PSD3: variants seen among roughly 807,000 people sequenced by gnomAD.
PSD3 encodes pleckstrin and Sec7 domain containing 3.
A neutral mutation model predicts 105.5 loss-of-function variants in PSD3; 49 were observed. That is an observed-to-expected ratio of 0.46 (90% CI 0.37 to 0.59). The LOEUF (loss-of-function observed/expected upper bound fraction) is 0.59. Ranked by LOEUF, PSD3 falls within the 20% of genes least tolerant of loss-of-function variation. PSD3 has a pLI of 0.00. For missense variants in PSD3, 1,561 were observed against 1,263.8 expected (o/e 1.24, Z -3.57); for synonymous variants, 557 against 457.8 (o/e 1.22, Z -2.77).
At chr8:18,878,955 G>C (rs940255681) in intron 2 of PSD3, among the ~76,000 whole-genome samples, 6 of 151,262 alleles carry the variant, frequency 4.0e-5, no homozygotes, top group Non-Finnish European at 5.9e-5. Flanking sequence ...TTCAACAAAG[G>C]GAAGAAAAGT....
At chr8:18,900,954 A>T (rs1819464861) in intron 2 of PSD3, among the ~76,000 whole-genome samples, 1 of 152,218 alleles carries the variant, frequency 6.6e-6, no homozygotes. Context: ...TACAGTATGT[A>T]CTACAGTTAA....
chr8:18,763,683 C>G (rs1806733107), intron 9 of PSD3, among the ~76,000 whole-genome samples: 1 of 152,090 alleles, frequency 6.6e-6, no homozygotes, highest in Non-Finnish European at 1.5e-5. Flanking sequence ...GAACAGCACA[C>G]AGAATAGAGG....
At chr8:18,564,638 A>G (rs1410338620) in intron 14 of PSD3, among the ~76,000 whole-genome samples, 1 of 151,822 alleles carries the variant, frequency 6.6e-6, no homozygotes, top group Admixed American at 6.6e-5. Flanking sequence ...CAAAAAAAAA[A>G]AAAAAAGATA....
In PSD3 at chr8:18,531,567, T is replaced by G. The variant is rs1317233047; in HGVS notation, c.*4176A>C. 1 of 152,290 alleles carries G rather than the reference T, an allele frequency of 6.6e-6. No individual in the cohort carries two copies. Among genetic ancestry groups the G allele is most frequent in the Non-Finnish European group, 1.5e-5 (1 of 68,086 alleles). 9.4% of individuals were successfully genotyped at this position (152,290 alleles called of 1,614,324 possible). A position where few individuals can be genotyped will look rare whatever the true frequency, so the allele number is the denominator to read the frequency against. On this transcript the variant is annotated 3_prime_UTR_variant, in exon 16 of 16. Coordinates refer to ENST00000327040, the MANE Select transcript of PSD3 (RefSeq NM_015310.4). ...ACTGGTGGAAAGAAATTTGCTGACA[T>G]GTGGCAGAGCAGTGGCATGGCCTGG...
chr8:18,829,441 C>T (rs545995080), intron 4 of PSD3, among the ~76,000 whole-genome samples: 2 of 152,224 alleles, frequency 1.3e-5, no homozygotes, highest in African/African-American at 4.8e-5. Flanking sequence ...ATGTCATTCC[C>T]TTTATCTAAA....
intron 1 of PSD3, among the ~76,000 whole-genome samples, chr8:18,938,549 G>A (rs1822307367): frequency 6.6e-6 from 1 of 151,752 alleles, no homozygotes; most frequent in African/African-American, 2.4e-5. Context: ...CTTGAACCTG[G>A]GACGTGGAGG....
At chr8:18,912,057 GA>G (rs1031156019) in intron 2 of PSD3, among the ~76,000 whole-genome samples, 17 of 151,980 alleles carry the variant, frequency 1.1e-4, no homozygotes, top group African/African-American at 1.9e-4. Context: ...TATACATGAG[GA>G]AAAAAATCAA....
At chr8:18,684,097 T>G (rs1800526582) in intron 9 of PSD3, 1 of 571,402 alleles carries the variant, frequency 1.8e-6, no homozygotes, top group Admixed American at 3.0e-5. Flanking sequence ...CCCCAGCATC[T>G]TCAACTACCC....
At chr8:18,938,613 A>C (rs1249607220) in intron 1 of PSD3, among the ~76,000 whole-genome samples, 5 of 146,402 alleles carry the variant, frequency 3.4e-5, no homozygotes, top group African/African-American at 1.0e-4. Context: ...ACAAAAGCGA[A>C]AATCCGTCTC....
chr8:18,944,533 T>C (rs911759220), intron 1 of PSD3, among the ~76,000 whole-genome samples: 2 of 151,864 alleles, frequency 1.3e-5, no homozygotes, highest in Non-Finnish European at 1.5e-5. Context: ...ATTGAGCCAC[T>C]GCACTCCAGC....
chr8:18,995,731 A>G (rs963265279), intron 1 of PSD3, among the ~76,000 whole-genome samples: 3 of 152,030 alleles, frequency 2.0e-5, no homozygotes, highest in Admixed American at 2.0e-4. Flanking sequence ...CACATCTTAC[A>G]TAGTGGCAGG....
chr8:18,820,791 T>C (rs1324552742), intron 4 of PSD3, among the ~76,000 whole-genome samples: 3 of 152,220 alleles, frequency 2.0e-5, no homozygotes, highest in Admixed American at 2.0e-4. Context: ...TGAGACAGCA[T>C]CCTGCTCTAT....
chr8:18,678,185 T>C (rs1450374661), intron 9 of PSD3, among the ~76,000 whole-genome samples: 1 of 152,154 alleles, frequency 6.6e-6, no homozygotes, highest in Non-Finnish European at 1.5e-5. Context: ...ATTTACTTTG[T>C]TCAACACACC....
rs34392783 is a variant in PSD3, at chr8:18,910,637, T to TA, written c.130+25396dup. On this transcript the variant is annotated intron_variant, in intron 2 of 15. Transcript: ENST00000327040. ...ATGTACCCTAAAACTTAGAGTATAA[T>TA]AAAAAAAAAAAAAAAAAAAAAAGAA... 6.8e-3 allele frequency among the ~76,000 whole-genome samples: 659 copies of TA among 97,118 alleles called. 6 individuals are homozygous for TA. The highest frequency in any genetic ancestry group is 0.018 in the South Asian group (50 of 2,856). The allele number at this position is 97,118 out of a possible 152,430, so 63.7% of individuals were successfully genotyped here.
At chr8:18,816,809 G>A (rs1423736608) in intron 4 of PSD3, among the ~76,000 whole-genome samples, 1 of 152,124 alleles carries the variant, frequency 6.6e-6, no homozygotes, top group East Asian at 1.9e-4. Flanking sequence ...GTCTAATAAA[G>A]CATCAACAGA....
chr8:18,661,534 C>T (rs1342747039), intron 9 of PSD3, among the ~76,000 whole-genome samples: 1 of 152,194 alleles, frequency 6.6e-6, no homozygotes, highest in African/African-American at 2.4e-5. Context: ...ACTATCGTCT[C>T]TATGCCTTAA....
chr8:18,675,081 G>A lies in PSD3; in HGVS notation c.2173-19396C>T, dbSNP rs114969624. Among the ~76,000 whole-genome samples the A allele has an allele frequency of 9.7e-3, 1,482 of 152,228 alleles. 25 individuals are homozygous for A. Among genetic ancestry groups the A allele is most frequent in the African/African-American group, 0.034 (1,431 of 41,554 alleles). The stretch of plus-strand genomic sequence containing the variant: ...GCTGGACCTTTATCTGTCCCTCGGA[G>A]TGACAGTCAAGAGCTGCTTCTCTCA... On this transcript the variant is annotated intron_variant, in intron 9 of 15. Coordinates refer to ENST00000327040, the MANE Select transcript of PSD3 (RefSeq NM_015310.4).
At chr8:18,723,692 T>G (rs1803153672) in intron 9 of PSD3, among the ~76,000 whole-genome samples, 1 of 152,232 alleles carries the variant, frequency 6.6e-6, no homozygotes, top group Admixed American at 6.5e-5. Flanking sequence ...TACAGATTAA[T>G]GACACTGGTA....
intron 14 of PSD3, 21 bp downstream of exon 14, chr8:18,572,507 A>G (rs1266250288): frequency 1.9e-6 from 3 of 1,609,242 alleles, no homozygotes; most frequent in East Asian, 2.2e-5. Flanking sequence ...CCCAAGGTCA[A>G]AGCACTATCA....
Sources: gnomAD v4.1 joint callset for allele counts (sites outside exome capture counted in the v4.1 genomes callset) on GRCh38, gnomAD v4.1.1 for gene constraint, MANE v1.5 for transcripts, NCBI Gene and HGNC (gene_info 2026-07-23, HGNC 2026-07-21) for gene names.